The following CFAP54 variants were observed in gnomAD, a reference collection of about 807,000 sequenced individuals.
CFAP54 encodes cilia and flagella associated protein 54.
A neutral mutation model predicts 370.4 loss-of-function variants in CFAP54; 290 were observed. The observed-to-expected ratio is 0.78, with a 90% confidence interval of 0.71 to 0.86. CFAP54 has a LOEUF of 0.86. CFAP54 is among the 40% of genes least tolerant of loss of function. The probability of loss-of-function intolerance (pLI) is 0.00; values close to 1 mark genes in which losing one functional copy is unlikely to be tolerated. For missense variants in CFAP54, 3,399 were observed against 3,528.7 expected, an observed-to-expected ratio of 0.96 and a Z score of 0.93; for synonymous variants, 1,206 against 1,236.5, an observed-to-expected ratio of 0.98 and a Z score of 0.52.
In CFAP54 at chr12:96,728,107, A is replaced by T. The variant is rs146285649; in HGVS notation, c.6965+7542A>T. On this transcript the variant is annotated intron_variant, in intron 50 of 67. Transcript: ENST00000524981. ...CAACCTTTCTCTCTGGCTGCCCTTA[A>T]CATTTCTCCCTTCATTTCAACTTTG... Among the ~76,000 whole-genome samples the T allele has an allele frequency of 4.9e-3, 740 of 152,290 alleles. 5 individuals are homozygous for T. The highest frequency in any genetic ancestry group is 0.017 in the African/African-American group (695 of 41,568).
At chr12:96,626,569 A>T (rs1470340219) in intron 29 of CFAP54, among the ~76,000 whole-genome samples, 1 of 152,156 alleles carries the variant, frequency 6.6e-6, no homozygotes, top group Non-Finnish European at 1.5e-5. Context: ...ACCTTAATGA[A>T]ATCTTTCTCA....
chr12:96,609,341 T>C (rs1956331410), intron 26 of CFAP54, among the ~76,000 whole-genome samples: 1 of 152,168 alleles, frequency 6.6e-6, no homozygotes, highest in African/African-American at 2.4e-5. Context: ...AGGAGACAAA[T>C]AAGATTATAT....
intron 31 of CFAP54, 105 bp downstream of exon 31, chr12:96,630,309 A>C (rs1956592972): frequency 6.6e-6 from 4 of 601,520 alleles, no homozygotes; most frequent in Non-Finnish European, 8.3e-6. Flanking sequence ...AAACAGAAGG[A>C]TATACTAACA....
At chr12:96,511,773 G>A (rs968908982) in intron 4 of CFAP54, among the ~76,000 whole-genome samples, 11 of 152,188 alleles carry the variant, frequency 7.2e-5, no homozygotes, top group Admixed American at 5.2e-4. Context: ...CGTGAGCCAC[G>A]GCGCCTGGCC....
chr12:96,816,622 T>C (rs972790291), intron 64 of CFAP54, among the ~76,000 whole-genome samples: 1 of 152,244 alleles, frequency 6.6e-6, no homozygotes, highest in African/African-American at 2.4e-5. Context: ...CATTTTTGCC[T>C]ATGTTCCTGA....
intron 26 of CFAP54, among the ~76,000 whole-genome samples, chr12:96,606,807 G>C (rs1005272551): frequency 6.6e-6 from 1 of 152,182 alleles, no homozygotes; most frequent in African/African-American, 2.4e-5. Context: ...CAGCTTGTTT[G>C]TTCTCGTTGC....
intron 66 of CFAP54, among the ~76,000 whole-genome samples, chr12:96,842,537 G>T (rs755827286): frequency 7.2e-5 from 11 of 152,126 alleles, no homozygotes; most frequent in Non-Finnish European, 1.3e-4. Context: ...AACATTTTGA[G>T]ATTGGCCTTT....
chr12:96,550,707 C>T (rs1047088066), intron 15 of CFAP54, among the ~76,000 whole-genome samples: 49 of 152,186 alleles, frequency 3.2e-4, no homozygotes, highest in African/African-American at 1.2e-3. Flanking sequence ...CAAATATCCT[C>T]AAGCATGTTG....
chr12:96,568,712 C>A (rs1955885348), intron 19 of CFAP54, among the ~76,000 whole-genome samples: 1 of 152,136 alleles, frequency 6.6e-6, no homozygotes, highest in African/African-American at 2.4e-5. Context: ...GTTTGAAAAG[C>A]CTGAGTCTCT....
intron 4 of CFAP54, among the ~76,000 whole-genome samples, chr12:96,510,986 T>C (rs997887193): frequency 4.4e-5 from 6 of 137,580 alleles, no homozygotes; most frequent in Admixed American, 1.5e-4. Flanking sequence ...AAAAAAGAAA[T>C]GAAAAAGATG....
chr12:96,684,984 T>C lies in CFAP54; in HGVS notation c.5805-45T>C, dbSNP rs767763225. The C allele has an allele frequency of 2.5e-5, 40 of 1,571,964 alleles. No homozygotes were observed. In the Admixed American group the frequency reaches 6.7e-4, roughly 26 times the overall value. On this transcript the variant is annotated intron_variant, in intron 41 of 67. Transcript: ENST00000524981. ...CCCTTCTGGAAGATAGATTTAATAA[T>C]GGGTCTCAGAAAACTTACTGCTTGA...
At chr12:96,552,403 G>T (rs1460681919) in intron 15 of CFAP54, among the ~76,000 whole-genome samples, 1 of 151,952 alleles carries the variant, frequency 6.6e-6, no homozygotes, top group Non-Finnish European at 1.5e-5. Flanking sequence ...GAGTGCAGTG[G>T]CATGATCAGG....
chr12:96,556,839 G>A (rs567338044), intron 17 of CFAP54, among the ~76,000 whole-genome samples: 17 of 152,104 alleles, frequency 1.1e-4, no homozygotes, highest in Non-Finnish European at 1.9e-4. Context: ...ACTTATAAGC[G>A]AGAGCTAAAT....
At chr12:96,649,557 G>A (rs1164667044) in intron 34 of CFAP54, among the ~76,000 whole-genome samples, 4 of 152,166 alleles carry the variant, frequency 2.6e-5, no homozygotes, top group Non-Finnish European at 5.9e-5. Flanking sequence ...GCCTGTTTGG[G>A]AGGAAATGAA....
chr12:96,802,089 C>T (rs754508428), intron 63 of CFAP54, among the ~76,000 whole-genome samples: 5 of 152,102 alleles, frequency 3.3e-5, no homozygotes, highest in Non-Finnish European at 7.4e-5. Flanking sequence ...CTGGGCTGTG[C>T]CCCAACTTCA....
intron 63 of CFAP54, among the ~76,000 whole-genome samples, chr12:96,805,951 T>G (rs945671722): frequency 2.0e-5 from 3 of 151,082 alleles, no homozygotes; most frequent in African/African-American, 7.3e-5. Flanking sequence ...CTAACTAAAA[T>G]AACTCAGCCA....
chr12:96,590,015 G>A (rs150561152), intron 23 of CFAP54, among the ~76,000 whole-genome samples: 147 of 152,280 alleles, frequency 9.7e-4, no homozygotes, highest in East Asian at 4.1e-3. Flanking sequence ...CCAAAGTGCC[G>A]AGATTACAGG....
chr12:96,644,534 G>A (rs780381529), intron 33 of CFAP54, 126 bp downstream of exon 33: 10 of 665,956 alleles, frequency 1.5e-5, no homozygotes, highest in Admixed American at 2.7e-5. Flanking sequence ...TCTTTATACT[G>A]GCTCTATTAG....
intron 60 of CFAP54, among the ~76,000 whole-genome samples, chr12:96,765,569 A>C (rs1958394516): frequency 1.3e-5 from 2 of 152,158 alleles, no homozygotes; most frequent in Non-Finnish European, 2.9e-5. Flanking sequence ...CCACTCTGAT[A>C]TGCCTCCCTC....
Sources: allele counts gnomAD v4.1 joint callset (sites outside exome capture counted in the v4.1 genomes callset), GRCh38; gene constraint gnomAD v4.1.1; transcripts MANE v1.5; gene names NCBI Gene and HGNC (gene_info 2026-07-23, HGNC 2026-07-21).